The following RUNX1 variants were observed in gnomAD, a reference collection of about 807,000 sequenced individuals.
RUNX1 encodes the protein RUNX family transcription factor 1, also known as runt-related transcription factor 1.
Under a neutral mutation model 42.8 loss-of-function variants are expected in RUNX1, and 19 were observed. The observed-to-expected ratio is 0.44, with a 90% CI of 0.31 to 0.65. The LOEUF (loss-of-function observed/expected upper bound fraction) is 0.65, where lower values mean the gene tolerates loss of function less well. RUNX1 is among the 30% of genes least tolerant of loss of function. RUNX1 has a pLI of 0.07. For missense variants in RUNX1, 528 were observed against 672.0 expected, an observed-to-expected ratio of 0.79 and a Z score of 2.37; for synonymous variants, 271 against 289.4, an observed-to-expected ratio of 0.94 and a Z score of 0.64.
At chr21:34,875,442 G>C (rs2057800728) in intron 5 of RUNX1, among the ~76,000 whole-genome samples, 1 of 152,170 alleles carries the variant, frequency 6.6e-6, no homozygotes, top group African/African-American at 2.4e-5. Flanking sequence ...CTTGCAATGA[G>C]ATCTGAATAC....
chr21:35,004,939 G>A (rs2059073205), intron 2 of RUNX1, among the ~76,000 whole-genome samples: 2 of 152,060 alleles, frequency 1.3e-5, no homozygotes, highest in South Asian at 4.1e-4. Flanking sequence ...ACTTTGATTT[G>A]GCTTTTCCTA....
intron 5 of RUNX1, among the ~76,000 whole-genome samples, chr21:34,863,887 G>A (rs2057616679): frequency 6.6e-6 from 1 of 152,054 alleles, no homozygotes; most frequent in Non-Finnish European, 1.5e-5. Context: ...GGGCGTTTTG[G>A]CCAGTCATGT....
intron 2 of RUNX1, among the ~76,000 whole-genome samples, chr21:34,897,269 C>A (rs190445162): frequency 6.6e-6 from 1 of 152,198 alleles, no homozygotes; most frequent in African/African-American, 2.4e-5. Flanking sequence ...GGTTCAAGTT[C>A]TCATTACCTC....
chr21:34,959,166 A>C (rs1326600251), intron 2 of RUNX1, among the ~76,000 whole-genome samples: 1 of 151,768 alleles, frequency 6.6e-6, no homozygotes, highest in East Asian at 1.9e-4. Flanking sequence ...TAACCTGCAC[A>C]TTGTGCACAT....
At chr21:34,887,710 A>G (rs2058019384) in intron 3 of RUNX1, 1 of 1,060,440 alleles carries the variant, frequency 9.4e-7, no homozygotes, top group African/African-American at 1.6e-5. Context: ...ATAAATATAT[A>G]CATATGCTCT....
At chr21:34,844,559 C>T (rs903303495) in intron 6 of RUNX1, among the ~76,000 whole-genome samples, 1 of 151,932 alleles carries the variant, frequency 6.6e-6, no homozygotes, top group African/African-American at 2.4e-5. Context: ...TGGGTGATGC[C>T]TCCATAAATG....
intron 2 of RUNX1, among the ~76,000 whole-genome samples, chr21:35,024,027 A>G (rs896705555): frequency 1.3e-5 from 2 of 151,820 alleles, no homozygotes; most frequent in Admixed American, 1.3e-4. Flanking sequence ...AAATCAATAA[A>G]CAAATAAATA....
chr21:34,965,225 T>TCACAC (rs2058710520), intron 2 of RUNX1, among the ~76,000 whole-genome samples: 1 of 70,582 alleles, frequency 1.4e-5, no homozygotes, highest in East Asian at 3.3e-4. Flanking sequence ...CTCACACACA[T>TCACAC]GCCAACACAC....
intron 2 of RUNX1, among the ~76,000 whole-genome samples, chr21:34,946,872 C>A (rs962287586): frequency 6.6e-6 from 1 of 152,184 alleles, no homozygotes; most frequent in Non-Finnish European, 1.5e-5. Flanking sequence ...TGTCGCTGAG[C>A]TCCAGAGAAA....
intron 7 of RUNX1, among the ~76,000 whole-genome samples, chr21:34,831,678 A>T (rs913555473): frequency 6.6e-6 from 1 of 152,248 alleles, no homozygotes; most frequent in Non-Finnish European, 1.5e-5. Context: ...CATTTCAAAG[A>T]AAGCCAGAAA....
At chr21:35,039,825 T>C (rs1305852657) in intron 2 of RUNX1, among the ~76,000 whole-genome samples, 1 of 152,254 alleles carries the variant, frequency 6.6e-6, no homozygotes, top group African/African-American at 2.4e-5. Context: ...TGCTTAACGT[T>C]GTTCCTCTCC....
In RUNX1 at chr21:34,792,581, G is replaced by A. The variant is rs1477060839; in HGVS notation, c.997C>T (p.Pro333Ser). The change falls in exon 9 of 9, where the codon CCG becomes TCG. Residue 333 changes from proline (P) to serine (S), a missense_variant. This residue lies in a region of RUNX1 where 331 missense variants were observed against 382.5 expected (regional missense o/e 0.87). Transcript: ENST00000675419. This position sits in a 1 kb window ranked among gnomAD's most constrained non-coding sequence, Gnocchi z 6.9. The stretch of plus-strand genomic sequence containing the variant: ...GAGGGCAGCGCGGGGAACTGGCGCG[G>A]GTCGCTGAACGCTGTCAGGTCGGGT... ...TAPDLTAFSD[P>S]RQFPALPSIS... 1.2e-6 allele frequency: 2 copies of A among 1,601,900 alleles called. No homozygotes were observed. The highest frequency in any genetic ancestry group is 1.1e-5 in the South Asian group (1 of 88,986).
intron 5 of RUNX1, among the ~76,000 whole-genome samples, chr21:34,878,179 A>G (rs1377995753): frequency 6.6e-6 from 1 of 151,242 alleles, no homozygotes; most frequent in African/African-American, 2.4e-5. Flanking sequence ...CAAAAAAAAA[A>G]AAAAAGAAGA....
At chr21:34,950,246 AT>A in intron 2 of RUNX1, among the ~76,000 whole-genome samples, 1 of 152,352 alleles carries the variant, frequency 6.6e-6, no homozygotes, top group Non-Finnish European at 1.5e-5. Context: ...CATAACCCGC[AT>A]CTTATTTTGT....
chr21:34,833,938 T>TA (rs959612326), intron 7 of RUNX1: 7 of 315,168 alleles, frequency 2.2e-5, no homozygotes, highest in Non-Finnish European at 4.4e-5. Context: ...TTCTTAATAA[T>TA]AAAAAAACAC....
At chr21:34,824,336 G>A (rs1262506345) in intron 7 of RUNX1, among the ~76,000 whole-genome samples, 1 of 152,032 alleles carries the variant, frequency 6.6e-6, no homozygotes. Context: ...AAACATGGTT[G>A]GCCAATGTTT....
chr21:34,994,277 G>A (rs535371698), intron 2 of RUNX1, among the ~76,000 whole-genome samples: 12 of 151,962 alleles, frequency 7.9e-5, no homozygotes, highest in Non-Finnish European at 1.3e-4. Context: ...AACTGGGAAG[G>A]AGGATAAAAT....
At chr21:34,821,559 G>C (rs1601392509) in intron 7 of RUNX1, 2 of 1,540,266 alleles carry the variant, frequency 1.3e-6, no homozygotes, top group Admixed American at 3.9e-5. Context: ...CTCATAACGT[G>C]CATTCTGAGG....
intron 2 of RUNX1, among the ~76,000 whole-genome samples, chr21:35,035,969 T>A (rs2059304533): frequency 1.3e-5 from 2 of 152,224 alleles, no homozygotes; most frequent in Admixed American, 1.3e-4. Context: ...GTTGGAACTC[T>A]GGGCCTCCCC....
Sources: allele counts gnomAD v4.1 joint callset (sites outside exome capture counted in the v4.1 genomes callset), GRCh38; gene constraint gnomAD v4.1.1; regional missense constraint gnomAD v4.1.1; non-coding constraint Gnocchi (gnomAD v3.1); transcripts MANE v1.5; gene names NCBI Gene and HGNC (gene_info 2026-07-23, HGNC 2026-07-21).